The following LCLAT1 variants were observed in gnomAD, a reference collection of about 807,000 sequenced individuals.
The protein encoded by LCLAT1 is lysocardiolipin acyltransferase 1, also known as 1-AGP acyltransferase 8.
In LCLAT1, 11 loss-of-function variants were observed where a neutral mutation model predicts 30.7. The ratio of observed to expected loss-of-function variants is 0.36; its 90% confidence interval spans 0.23 to 0.59. The LOEUF (loss-of-function observed/expected upper bound fraction) is 0.59, where lower values mean the gene tolerates loss of function less well. LCLAT1 is among the 20% of genes least tolerant of loss of function. LCLAT1 has a pLI of 0.77. For synonymous variants in LCLAT1, 155 were observed against 151.3 expected, an observed-to-expected ratio of 1.02 and a Z score of -0.18; for missense variants, 402 against 458.6, an observed-to-expected ratio of 0.88 and a Z score of 1.13.
At chr2:30,605,281 G>A (rs1300094526) in intron 5 of LCLAT1, among the ~76,000 whole-genome samples, 1 of 152,178 alleles carries the variant, frequency 6.6e-6, no homozygotes, top group Non-Finnish European at 1.5e-5. Context: ...CCCTTGCTTA[G>A]ACCAGCTAAA....
intron 3 of LCLAT1, among the ~76,000 whole-genome samples, chr2:30,540,965 A>G (rs905113474): frequency 3.3e-5 from 5 of 151,758 alleles, no homozygotes; most frequent in African/African-American, 4.8e-5. Flanking sequence ...ACCCGGCCAC[A>G]TTTATTTTTT....
intron 3 of LCLAT1, among the ~76,000 whole-genome samples, chr2:30,534,908 C>G (rs1015885595): frequency 1.3e-5 from 2 of 152,048 alleles, no homozygotes; most frequent in African/African-American, 2.4e-5. Context: ...AAAGAGAAGG[C>G]ACATATTACC....
intron 5 of LCLAT1, among the ~76,000 whole-genome samples, chr2:30,629,309 C>T (rs755844021): frequency 3.9e-5 from 6 of 152,162 alleles, no homozygotes; most frequent in African/African-American, 7.2e-5. Context: ...CCTGTAATCT[C>T]AGCACTTTGG....
intron 5 of LCLAT1, among the ~76,000 whole-genome samples, chr2:30,568,442 T>G (rs1229973856): frequency 6.6e-6 from 1 of 151,554 alleles, no homozygotes; most frequent in Non-Finnish European, 1.5e-5. Flanking sequence ...TGTTTGTATA[T>G]AGAGAGTTAG....
At chr2:30,568,462 C>G (rs534055091) in intron 5 of LCLAT1, among the ~76,000 whole-genome samples, 1 of 149,536 alleles carries the variant, frequency 6.7e-6, no homozygotes, top group African/African-American at 2.5e-5. Flanking sequence ...GGCTATAATT[C>G]CATTTTAGGA....
intron 1 of LCLAT1, among the ~76,000 whole-genome samples, chr2:30,515,930 C>T (rs924812259): frequency 1.3e-5 from 2 of 152,098 alleles, no homozygotes; most frequent in Non-Finnish European, 2.9e-5. Flanking sequence ...CTATACATTA[C>T]GTTAGGTATT....
chr2:30,528,514 G>T (rs1002131502), intron 2 of LCLAT1, among the ~76,000 whole-genome samples: 3 of 152,132 alleles, frequency 2.0e-5, no homozygotes, highest in Admixed American at 2.0e-4. Flanking sequence ...TGATTCTTGT[G>T]TTTAAAGATA....
At chr2:30,565,848 C>T (rs906165684) in intron 4 of LCLAT1, among the ~76,000 whole-genome samples, 1 of 152,114 alleles carries the variant, frequency 6.6e-6, no homozygotes, top group Non-Finnish European at 1.5e-5. Context: ...GAAAGCCTCT[C>T]TGTTAAGTTT....
At chr2:30,580,187 A>T (rs1666154079) in intron 5 of LCLAT1, among the ~76,000 whole-genome samples, 1 of 152,164 alleles carries the variant, frequency 6.6e-6, no homozygotes, top group Non-Finnish European at 1.5e-5. Context: ...TTTGGGACTT[A>T]AACAAATAAA....
chr2:30,462,277 C>T (rs1205303354), intron 1 of LCLAT1, among the ~76,000 whole-genome samples: 1 of 152,124 alleles, frequency 6.6e-6, no homozygotes, highest in Non-Finnish European at 1.5e-5. Context: ...CAGTTTGTAT[C>T]TCCAGTAAGT....
At chr2:30,587,368 A>T (rs1666492025) in intron 5 of LCLAT1, among the ~76,000 whole-genome samples, 1 of 152,022 alleles carries the variant, frequency 6.6e-6, no homozygotes, top group African/African-American at 2.4e-5. Flanking sequence ...CATCTTTCTC[A>T]TGCGGTTACT....
intron 1 of LCLAT1, among the ~76,000 whole-genome samples, chr2:30,478,777 A>G (rs931670935): frequency 6.6e-6 from 1 of 152,362 alleles, no homozygotes; most frequent in South Asian, 2.1e-4. Flanking sequence ...TTTCATAACC[A>G]GAAACTACAG....
Position 30,452,079 on chromosome 2 carries a change from G to A in LCLAT1, c.-5+4696G>A, listed in dbSNP as rs917063734. ...ATAGTGATTACTCTGGGTTGGTGGT[G>A]GTGGTAATGACTGGGAAAGGGCATG... On this transcript the variant is annotated intron_variant, in intron 1 of 5. Transcript: ENST00000379509. 4.6e-5 allele frequency among the ~76,000 whole-genome samples: 7 copies of A among 152,170 alleles called. No individual in the cohort carries two copies. In the East Asian group the frequency reaches 9.6e-4, roughly 21 times the overall value.
At chr2:30,606,155 C>T (rs1667440218) in intron 5 of LCLAT1, 1 of 555,062 alleles carries the variant, frequency 1.8e-6, no homozygotes, top group South Asian at 1.9e-5. Flanking sequence ...GTGAAATTGG[C>T]CATACTGCCC....
chr2:30,516,973 C>T (rs183958127), intron 1 of LCLAT1, among the ~76,000 whole-genome samples: 3 of 152,072 alleles, frequency 2.0e-5, no homozygotes, highest in South Asian at 2.1e-4. Context: ...AGCTGAGGGC[C>T]GACTAGAAGC....
chr2:30,479,669 G>A (rs184043168), intron 1 of LCLAT1, among the ~76,000 whole-genome samples: 1 of 152,130 alleles, frequency 6.6e-6, no homozygotes, highest in African/African-American at 2.4e-5. Context: ...CATGAAGGAG[G>A]CTTCTGGGTT....
intron 5 of LCLAT1, among the ~76,000 whole-genome samples, chr2:30,591,726 G>A (rs1666700184): frequency 6.6e-6 from 1 of 152,088 alleles, no homozygotes; most frequent in South Asian, 2.1e-4. Context: ...GTCTATTAAG[G>A]GAGACAGACA....
At chr2:30,587,575 T>C (rs1666498753) in intron 5 of LCLAT1, among the ~76,000 whole-genome samples, 1 of 152,232 alleles carries the variant, frequency 6.6e-6, no homozygotes. Flanking sequence ...TGTAACATTA[T>C]AAGGATTTTA....
chr2:30,595,296 G>C (rs1330466628), intron 5 of LCLAT1, among the ~76,000 whole-genome samples: 1 of 151,898 alleles, frequency 6.6e-6, no homozygotes, highest in Non-Finnish European at 1.5e-5. Flanking sequence ...TGTCTCTTAG[G>C]TCTGCCCTCT....
Sources: gnomAD v4.1 joint callset for allele counts (sites outside exome capture counted in the v4.1 genomes callset) on GRCh38, gnomAD v4.1.1 for gene constraint, MANE v1.5 for transcripts, NCBI Gene and HGNC (gene_info 2026-07-23, HGNC 2026-07-21) for gene names.